NLGN1: variants seen among roughly 807,000 people sequenced by gnomAD.
NLGN1 encodes the protein neuroligin 1.
In NLGN1, 12 loss-of-function variants were observed where a neutral mutation model predicts 65.5. The observed-to-expected ratio is 0.18, with a 90% CI of 0.12 to 0.30. The LOEUF (loss-of-function observed/expected upper bound fraction) is 0.30. NLGN1 is among the 10% of genes least tolerant of loss of function. The probability of loss-of-function intolerance (pLI) is 1.00; values close to 1 mark genes in which losing one functional copy is unlikely to be tolerated. For synonymous variants in NLGN1, 350 were observed against 359.5 expected (o/e 0.97, Z 0.30); for missense variants, 750 against 1,007.1 (o/e 0.74, Z 3.46).
intron 1 of NLGN1, among the ~76,000 whole-genome samples, chr3:173,412,510 T>C (rs959227319): frequency 2.0e-5 from 3 of 152,078 alleles, no homozygotes; most frequent in East Asian, 1.9e-4. Flanking sequence ...ACTGACCTTT[T>C]TTTTTTAATG....
At chr3:174,270,129 T>C (rs1253187817) in intron 4 of NLGN1, among the ~76,000 whole-genome samples, 1 of 94,802 alleles carries the variant, frequency 1.1e-5, no homozygotes, top group East Asian at 2.9e-4. Context: ...TCCTTTCTTT[T>C]TTTTTTTTTT....
At chr3:174,274,319 G>GCTAT in intron 4 of NLGN1, among the ~76,000 whole-genome samples, 1 of 151,838 alleles carries the variant, frequency 6.6e-6, no homozygotes, top group East Asian at 1.9e-4. Context: ...AACTATAAAA[G>GCTAT]CTATCAGGTC....
intron 4 of NLGN1, among the ~76,000 whole-genome samples, chr3:173,923,782 T>A (rs1282001114): frequency 6.6e-6 from 1 of 152,198 alleles, no homozygotes; most frequent in Non-Finnish European, 1.5e-5. Context: ...AGTCAGTTAA[T>A]TTTCATTTCT....
At chr3:174,054,414 C>T (rs529626578) in intron 4 of NLGN1, among the ~76,000 whole-genome samples, 2 of 152,088 alleles carry the variant, frequency 1.3e-5, no homozygotes, top group South Asian at 4.1e-4. Flanking sequence ...AAAGAGTTTA[C>T]AATTTTGAAA....
At chr3:173,766,209 C>T (rs139610820) in intron 3 of NLGN1, among the ~76,000 whole-genome samples, 72 of 152,002 alleles carry the variant, frequency 4.7e-4, no homozygotes, top group African/African-American at 1.7e-3. Context: ...CTGCCTCAGC[C>T]TCCCGAGTAG....
At chr3:174,051,630 A>G (rs1187321115) in intron 4 of NLGN1, among the ~76,000 whole-genome samples, 1 of 152,100 alleles carries the variant, frequency 6.6e-6, no homozygotes, top group African/African-American at 2.4e-5. Context: ...AAATGAGGGC[A>G]TGTCACAAAA....
chr3:173,453,436 T>G (rs1043408838), intron 2 of NLGN1, among the ~76,000 whole-genome samples: 2 of 152,126 alleles, frequency 1.3e-5, no homozygotes, highest in African/African-American at 4.8e-5. Flanking sequence ...GATTGATCCT[T>G]CCTTTCAAGA....
intron 4 of NLGN1, among the ~76,000 whole-genome samples, chr3:174,112,060 C>T (rs528925351): frequency 1.3e-5 from 2 of 151,876 alleles, no homozygotes; most frequent in East Asian, 3.9e-4. Context: ...AGAAGTTCAA[C>T]AGAATGACTC....
intron 2 of NLGN1, among the ~76,000 whole-genome samples, chr3:173,481,892 C>T (rs1339071309): frequency 6.6e-6 from 1 of 151,818 alleles, no homozygotes; most frequent in Non-Finnish European, 1.5e-5. Context: ...TGGTAAGTGA[C>T]AAAATTATAT....
chr3:173,787,200 G>C (rs1782128540), intron 3 of NLGN1, among the ~76,000 whole-genome samples: 1 of 152,022 alleles, frequency 6.6e-6, no homozygotes, highest in South Asian at 2.1e-4. Flanking sequence ...AAATTTACAA[G>C]CATTAATTCA....
At chr3:173,933,963 A>G (rs2152292628) in intron 4 of NLGN1, among the ~76,000 whole-genome samples, 1 of 152,044 alleles carries the variant, frequency 6.6e-6, no homozygotes, top group South Asian at 2.1e-4. Flanking sequence ...AAATAATAAT[A>G]AAGAAATATT....
At chr3:173,637,665 C>T (rs1245561871) in intron 3 of NLGN1, among the ~76,000 whole-genome samples, 1 of 152,018 alleles carries the variant, frequency 6.6e-6, no homozygotes, top group African/African-American at 2.4e-5. Context: ...CTATGTAGGA[C>T]AGATATTTGT....
chr3:173,802,143 AT>A (rs74594581), intron 3 of NLGN1, among the ~76,000 whole-genome samples: 18,223 of 150,374 alleles, frequency 0.12, 1,141 homozygotes, highest in East Asian at 0.22. Flanking sequence ...ATTTAATGTG[AT>A]TTTTTTTTTC....
At chr3:173,782,954 AAGT>A (rs1423906058) in intron 3 of NLGN1, among the ~76,000 whole-genome samples, 1 of 152,116 alleles carries the variant, frequency 6.6e-6, no homozygotes, top group Non-Finnish European at 1.5e-5. Flanking sequence ...GAGTTAAAAA[AAGT>A]AATGTGCAAA....
intron 2 of NLGN1, among the ~76,000 whole-genome samples, chr3:173,458,367 T>C (rs1427443475): frequency 6.6e-6 from 1 of 152,086 alleles, no homozygotes; most frequent in Non-Finnish European, 1.5e-5. Flanking sequence ...TGGAGCAATA[T>C]GGTGCTGGAC....
intron 3 of NLGN1, among the ~76,000 whole-genome samples, chr3:173,745,873 AAGTT>A (rs1336178487): frequency 2.0e-5 from 3 of 152,116 alleles, no homozygotes; most frequent in Non-Finnish European, 2.9e-5. Flanking sequence ...AGATAACCAT[AAGTT>A]AGAAACATTC....
chr3:173,415,935 A>C lies in NLGN1; in HGVS notation c.-390+17448A>C, dbSNP rs1042218204. On this transcript the variant is annotated intron_variant, in intron 1 of 6. Transcript: ENST00000457714. ...GAGAGAGAGGGAGAGAGAGAGAGAG[A>C]GAGAGAGAGCTTGGTATAGAGCCTA... 2.3e-3 allele frequency among the ~76,000 whole-genome samples: 312 copies of C among 137,368 alleles called. 4 individuals carry two copies. The highest frequency in any genetic ancestry group is 8.4e-3 in the Middle Eastern group (2 of 238). 90.1% of individuals were successfully genotyped at this position (137,368 alleles called of 152,430 possible).
intron 3 of NLGN1, among the ~76,000 whole-genome samples, chr3:173,713,172 A>G: frequency 6.6e-6 from 1 of 152,188 alleles, no homozygotes; most frequent in Non-Finnish European, 1.5e-5. Flanking sequence ...TTTTCCAAAA[A>G]ATGGCTCTCA....
intron 4 of NLGN1, among the ~76,000 whole-genome samples, chr3:173,831,753 T>C (rs1031023467): frequency 2.0e-5 from 3 of 152,144 alleles, no homozygotes; most frequent in African/African-American, 4.8e-5. Flanking sequence ...TTTTAAAACT[T>C]TTTAAGTGAG....
Sources: allele counts gnomAD v4.1 joint callset (sites outside exome capture counted in the v4.1 genomes callset), GRCh38; gene constraint gnomAD v4.1.1; transcripts MANE v1.5; gene names NCBI Gene and HGNC (gene_info 2026-07-23, HGNC 2026-07-21).